CDH8: variants seen among roughly 807,000 people sequenced by gnomAD.
The protein encoded by CDH8 is cadherin 8.
CDH8 carries 17 observed loss-of-function variants against 68.1 expected under a neutral mutation model. The ratio of observed to expected loss-of-function variants is 0.25; its 90% CI spans 0.17 to 0.37. The LOEUF (loss-of-function observed/expected upper bound fraction) is 0.37. CDH8 is among the 10% of genes least tolerant of loss of function. CDH8 has a pLI of 1.00. For missense variants in CDH8, 763 were observed against 999.3 expected (o/e 0.76, Z 3.19); for synonymous variants, 372 against 365.1 (o/e 1.02, Z -0.21).
intron 4 of CDH8, among the ~76,000 whole-genome samples, chr16:61,856,593 T>C (rs1963052190): frequency 6.6e-6 from 1 of 152,112 alleles, no homozygotes; most frequent in Admixed American, 6.6e-5. Context: ...CTAATGGATA[T>C]ATATGTATTG....
intron 4 of CDH8, among the ~76,000 whole-genome samples, chr16:61,838,143 A>G (rs1333241758): frequency 1.3e-5 from 2 of 152,076 alleles, no homozygotes; most frequent in Non-Finnish European, 2.9e-5. Context: ...AATTAACTCT[A>G]TATCAAATAG....
At chr16:61,962,805 T>C (rs112265553) in intron 2 of CDH8, among the ~76,000 whole-genome samples, 2,553 of 152,328 alleles carry the variant, frequency 0.017, 77 homozygotes, top group African/African-American at 0.057. Context: ...CTCAGGTGAA[T>C]GTTTTTAGAC....
intron 2 of CDH8, among the ~76,000 whole-genome samples, chr16:61,967,221 A>C (rs1208525597): frequency 6.6e-6 from 1 of 152,154 alleles, no homozygotes; most frequent in Non-Finnish European, 1.5e-5. Context: ...AGAGAAGAGG[A>C]ATGGCCATCT....
At chr16:61,926,597 A>G (rs1317396628) in intron 2 of CDH8, among the ~76,000 whole-genome samples, 1 of 152,198 alleles carries the variant, frequency 6.6e-6, no homozygotes, top group Non-Finnish European at 1.5e-5. Flanking sequence ...ATGCCCACAA[A>G]CAACCCAGCA....
At chr16:61,665,789 T>C (rs1198755916) in intron 10 of CDH8, among the ~76,000 whole-genome samples, 23 of 125,692 alleles carry the variant, frequency 1.8e-4, no homozygotes, top group African/African-American at 5.9e-4. Context: ...CCTTCCTTCC[T>C]TCCTTCCTTC....
chr16:61,736,668 C>T (rs1019788235), intron 8 of CDH8, among the ~76,000 whole-genome samples: 2 of 152,010 alleles, frequency 1.3e-5, no homozygotes, highest in Non-Finnish European at 2.9e-5. Context: ...CTTATAATTT[C>T]CAACATAAGT....
chr16:62,014,195 G>A (rs1319804774), intron 2 of CDH8, among the ~76,000 whole-genome samples: 2 of 152,184 alleles, frequency 1.3e-5, no homozygotes, highest in African/African-American at 2.4e-5. Context: ...AGCATGTCAT[G>A]TGTAGGTGAG....
In CDH8 at chr16:61,653,460, TG is replaced by T; in HGVS notation, c.*147del. On this transcript the variant is annotated 3_prime_UTR_variant, in exon 12 of 12. Coordinates refer to ENST00000577390, the MANE Select transcript of CDH8 (RefSeq NM_001796.5). ...ACTTTTTTATTTTATTATCTTTTTT[TG>T]GTTCAACATTAAAATGTGGTTGAGT... The T allele has an allele frequency of 7.0e-7, 1 of 1,429,276 alleles. No homozygotes were observed. The highest frequency in any genetic ancestry group is 2.5e-5 in the East Asian group (1 of 39,598). The allele number at this position is 1,429,276 out of a possible 1,614,324, so 88.5% of individuals were successfully genotyped here.
Position 61,652,816 on chromosome 16 carries a change from C to G in CDH8, c.*792G>C, listed in dbSNP as rs1963351588. 3 of 1,453,590 alleles carry G rather than the reference C, an allele frequency of 2.1e-6. No homozygotes were observed. Among genetic ancestry groups the G allele is most frequent in the Non-Finnish European group, 2.7e-6 (3 of 1,104,310 alleles). The allele number at this position is 1,453,590 out of a possible 1,614,324, so 90.0% of individuals were successfully genotyped here. On this transcript the variant is annotated 3_prime_UTR_variant, in exon 12 of 12. Transcript: ENST00000577390. Reference sequence around the variant, plus strand: ...GCGCTAGCAATAAAACCATCTGTCTCTTATGTAGTCCACTGTGTGATACAG... The same window carrying G: ...GCGCTAGCAATAAAACCATCTGTCTGTTATGTAGTCCACTGTGTGATACAG...
chr16:61,834,715 C>T (rs929864160), intron 4 of CDH8, among the ~76,000 whole-genome samples: 8 of 151,800 alleles, frequency 5.3e-5, no homozygotes, highest in African/African-American at 9.7e-5. Flanking sequence ...GTGTTACTTG[C>T]TATTTTTGAA....
At chr16:61,889,279 A>G (rs1008721915) in intron 3 of CDH8, among the ~76,000 whole-genome samples, 4 of 152,194 alleles carry the variant, frequency 2.6e-5, no homozygotes, top group Non-Finnish European at 5.9e-5. Flanking sequence ...TTAAATTCAT[A>G]AATCTATGAT....
chr16:61,914,770 C>G (rs1219707522), intron 2 of CDH8, among the ~76,000 whole-genome samples: 9 of 150,298 alleles, frequency 6.0e-5, no homozygotes, highest in Admixed American at 6.0e-4. Flanking sequence ...AATGATGCCA[C>G]TAGCCAAGAA....
intron 2 of CDH8, among the ~76,000 whole-genome samples, chr16:61,933,355 G>A (rs1964575598): frequency 2.6e-5 from 4 of 152,092 alleles, no homozygotes; most frequent in Admixed American, 2.0e-4. Flanking sequence ...ATTATGCTGC[G>A]GGCATAGATA....
intron 2 of CDH8, among the ~76,000 whole-genome samples, chr16:61,920,288 A>G (rs1220753439): frequency 7.6e-6 from 1 of 130,834 alleles, no homozygotes; most frequent in East Asian, 2.3e-4. Flanking sequence ...CTGCACAGCA[A>G]AAGAAACTAC....
intron 8 of CDH8, chr16:61,743,412 T>A: frequency 6.4e-6 from 1 of 156,674 alleles, no homozygotes. Flanking sequence ...GCCAGCCAGA[T>A]CAGCCAAATC....
At chr16:61,995,808 A>G (rs2150592694) in intron 2 of CDH8, among the ~76,000 whole-genome samples, 1 of 152,352 alleles carries the variant, frequency 6.6e-6, no homozygotes, top group African/African-American at 2.4e-5. Flanking sequence ...AAAGTAACAT[A>G]CATTTTTATT....
At chr16:61,835,153 A>C (rs1962541887) in intron 4 of CDH8, among the ~76,000 whole-genome samples, 1 of 151,892 alleles carries the variant, frequency 6.6e-6, no homozygotes, top group Admixed American at 6.6e-5. Flanking sequence ...ATTAACCTCT[A>C]TATGCCCTGC....
intron 2 of CDH8, among the ~76,000 whole-genome samples, chr16:61,974,639 A>G (rs1217584326): frequency 2.6e-5 from 4 of 152,206 alleles, no homozygotes; most frequent in African/African-American, 9.6e-5. Flanking sequence ...ACAATAAACT[A>G]GATAGCATAG....
At chr16:62,011,582 G>A (rs967060593) in intron 2 of CDH8, among the ~76,000 whole-genome samples, 4 of 152,118 alleles carry the variant, frequency 2.6e-5, no homozygotes, top group Non-Finnish European at 4.4e-5. Context: ...CCCACACAGG[G>A]GTTGATTGAT....
Sources: gnomAD v4.1 joint callset for allele counts (sites outside exome capture counted in the v4.1 genomes callset) on GRCh38, gnomAD v4.1.1 for gene constraint, MANE v1.5 for transcripts, NCBI Gene and HGNC (gene_info 2026-07-23, HGNC 2026-07-21) for gene names.